Variants in ACSS1 observed in about 807,000 individuals in gnomAD.
ACSS1 encodes acetyl-coenzyme A synthetase 2-like, mitochondrial.
Under a neutral mutation model 75.3 loss-of-function variants are expected in ACSS1, and 42 were observed. The ratio of observed to expected loss-of-function variants is 0.56; its 90% confidence interval spans 0.44 to 0.72. The LOEUF (loss-of-function observed/expected upper bound fraction) is 0.72, where lower values mean the gene tolerates loss of function less well. Ranked by LOEUF, ACSS1 falls within the 30% of genes least tolerant of loss-of-function variation. ACSS1 has a pLI of 0.00. For synonymous variants in ACSS1, 380 were observed against 376.8 expected (o/e 1.01, Z -0.10); for missense variants, 782 against 935.7 (o/e 0.84, Z 2.14).
chr20:25,015,341 C>CAAAG, intron 7 of ACSS1, 111 bp from the exon 8 acceptor site: 1 of 844,972 alleles, frequency 1.2e-6, no homozygotes, highest in Non-Finnish European at 1.8e-6. Flanking sequence ...GACTGAGTCT[C>CAAAG]ACTCTGTCTC....
intron 3 of ACSS1, among the ~76,000 whole-genome samples, chr20:25,029,835 G>C (rs189746771): frequency 1.3e-5 from 2 of 152,336 alleles, no homozygotes; most frequent in East Asian, 3.9e-4. Flanking sequence ...AATTTTAGGG[G>C]AGGGGAATAA....
At chr20:25,021,575 C>A (rs1412229260) in intron 5 of ACSS1, 39 bp from the exon 6 acceptor site, 3 of 1,603,940 alleles carry the variant, frequency 1.9e-6, no homozygotes, top group East Asian at 4.5e-5. Flanking sequence ...GCTTGTCCCC[C>A]CACTCCACCA....
intron 2 of ACSS1, among the ~76,000 whole-genome samples, chr20:25,038,560 C>T (rs1382499321): frequency 6.6e-6 from 1 of 152,148 alleles, no homozygotes; most frequent in Non-Finnish European, 1.5e-5. Context: ...AGGGCAGGTG[C>T]AAAATGCTGG....
At chr20:25,055,706 C>T (rs1568853086) in intron 1 of ACSS1, among the ~76,000 whole-genome samples, 2 of 152,192 alleles carry the variant, frequency 1.3e-5, no homozygotes, top group South Asian at 2.1e-4. Flanking sequence ...GAAGACCATG[C>T]GTTGAGAACC....
At chr20:25,031,235 A>G (rs1343065590) in intron 2 of ACSS1, 6 of 499,532 alleles carry the variant, frequency 1.2e-5, no homozygotes, top group South Asian at 3.8e-5. Context: ...TTAGGGGAAC[A>G]GGAGCGTAGG....
Position 25,012,590 on chromosome 20 carries a change from A to G in ACSS1, c.1771+11T>C. The G allele has an allele frequency of 6.2e-7, 1 of 1,614,200 alleles. No homozygotes were observed. Among genetic ancestry groups the G allele is most frequent in the African/African-American group, 1.3e-5 (1 of 75,068 alleles). On this transcript the variant is annotated intron_variant, in intron 12 of 13. Transcript: ENST00000323482. ...AGGAATCAGGGAGGAGCTCATCTCC[A>G]GGACACTCACCTTCTCCTTTGATGT...
chr20:25,006,689 G>T lies in ACSS1; in HGVS notation c.*1073C>A, dbSNP rs1292380827. 34 of 993,496 alleles carry T rather than the reference G, an allele frequency of 3.4e-5. No homozygotes were observed. The Admixed American group carries it at 9.4e-4, about 27-fold the overall frequency. The allele number at this position is 993,496 out of a possible 1,614,324, so 61.5% of individuals were successfully genotyped here. A position where few individuals can be genotyped will look rare whatever the true frequency, so the allele number is the denominator to read the frequency against. Reference sequence around the variant, plus strand: ...CTAGCAGGGAGGTAAGCACCCACTGGCGTCGTGATTTCCATTATCTTGCTA... The same window carrying T: ...CTAGCAGGGAGGTAAGCACCCACTGTCGTCGTGATTTCCATTATCTTGCTA... On this transcript the variant is annotated 3_prime_UTR_variant, in exon 14 of 14. Transcript: ENST00000323482.
intron 2 of ACSS1, among the ~76,000 whole-genome samples, chr20:25,036,816 C>T (rs758134841): frequency 2.6e-5 from 4 of 151,766 alleles, no homozygotes; most frequent in Non-Finnish European, 4.4e-5. Context: ...ATTAGCCAGG[C>T]GTGGTGCTGC....
At chr20:25,044,111 C>T (rs1318265176) in intron 2 of ACSS1, among the ~76,000 whole-genome samples, 1 of 152,186 alleles carries the variant, frequency 6.6e-6, no homozygotes, top group African/African-American at 2.4e-5. Flanking sequence ...GCTTCCTGCA[C>T]CTGGAGTCCA....
Position 25,011,091 on chromosome 20 carries a change from T to G in ACSS1, c.1771+1510A>C, listed in dbSNP as rs570880345. 6 of 152,336 alleles carry G rather than the reference T, an allele frequency of 3.9e-5. No individual in the cohort carries two copies. In the East Asian group the frequency reaches 1.2e-3, roughly 29 times the overall value. The allele number at this position is 152,336 out of a possible 1,614,324, so 9.4% of individuals were successfully genotyped here. ...GATAGACAAATTATCCCCACACATC[T>G]GGCAGACATTAAGAAGCCTGGCAAC... is the stretch of plus-strand genomic sequence containing the variant. On this transcript the variant is annotated intron_variant, in intron 12 of 13. Transcript: ENST00000323482.
chr20:25,045,916 A>ATTTATT (rs1251095796), intron 2 of ACSS1: 4 of 120,766 alleles, frequency 3.3e-5, no homozygotes, highest in Non-Finnish European at 5.4e-5. Context: ...GAAGAAGTCA[A>ATTTATT]TTTATTTTTA....
chr20:25,032,251 T>C (rs772858338), intron 2 of ACSS1: 28 of 949,282 alleles, frequency 2.9e-5, no homozygotes, highest in Admixed American at 1.2e-4. Context: ...TCAGGGCGCA[T>C]CATCTCTCTG....
At chr20:25,013,016 T>G (rs2088441428) in intron 10 of ACSS1, 77 bp from the exon 11 acceptor site, 2 of 1,600,604 alleles carry the variant, frequency 1.2e-6, no homozygotes, top group East Asian at 4.5e-5. Context: ...AGCGTGAAGC[T>G]CTGCAGCCCA....
chr20:25,023,730 G>C, intron 3 of ACSS1, 89 bp from the exon 4 acceptor site: 1 of 1,299,136 alleles, frequency 7.7e-7, no homozygotes, highest in African/African-American at 1.5e-5. Context: ...CCAGGCCTAG[G>C]AGTGTGAGAA....
chr20:25,018,271 A>G (rs6037007), intron 7 of ACSS1, among the ~76,000 whole-genome samples: 16,297 of 152,220 alleles, frequency 0.11, 980 homozygotes, highest in African/African-American at 0.15. Flanking sequence ...CCATGGGACG[A>G]TGCAGCAAGA....
At chr20:25,039,299 C>G (rs186112204) in intron 2 of ACSS1, among the ~76,000 whole-genome samples, 75 of 152,352 alleles carry the variant, frequency 4.9e-4, no homozygotes, top group African/African-American at 1.6e-3. Flanking sequence ...TTGCTGTCAG[C>G]CAGCTCCTCA....
At position 25,023,604 on chromosome 20, in the gene ACSS1, G is replaced by A. The variant is rs1241991215; in HGVS notation, c.669C>T (p.Leu223=). The change falls in exon 4 of 14, where the codon CTC becomes CTT. Residue 223 remains leucine, a synonymous_variant. Coordinates refer to ENST00000323482, the MANE Select transcript of ACSS1 (RefSeq NM_032501.4). ...CKVVITFNQG[L]RGGRVVELKK... ...TCAGCTCCACCACGCGCCCACCCCG[G>A]AGTCCTTGGTTGAAGGTGATAACCA... 4 of 1,612,402 alleles carry A rather than the reference G, an allele frequency of 2.5e-6. No individual in the cohort carries two copies. The highest frequency in any genetic ancestry group is 3.4e-6 in the Non-Finnish European group (4 of 1,179,236).
At chr20:25,049,140 G>C (rs11908104) in intron 1 of ACSS1, among the ~76,000 whole-genome samples, 19,067 of 152,176 alleles carry the variant, frequency 0.13, 3,087 homozygotes, top group African/African-American at 0.38. Flanking sequence ...ATACTAGTAA[G>C]AGACACAGGA....
At chr20:25,043,028 A>C (rs1351913741) in intron 2 of ACSS1, among the ~76,000 whole-genome samples, 1 of 152,080 alleles carries the variant, frequency 6.6e-6, no homozygotes, top group African/African-American at 2.4e-5. Flanking sequence ...TGGGCAGAGC[A>C]CAGCCTCCTG....
Sources: gnomAD v4.1 joint callset for allele counts (sites outside exome capture counted in the v4.1 genomes callset) on GRCh38, gnomAD v4.1.1 for gene constraint, MANE v1.5 for transcripts, NCBI Gene and HGNC (gene_info 2026-07-23, HGNC 2026-07-21) for gene names.